Variants in EGFLAM observed in about 807,000 individuals in gnomAD.
EGFLAM encodes the protein EGF like, fibronectin type III and laminin G domains, also known as pikachurin.
A neutral mutation model predicts 113.1 loss-of-function variants in EGFLAM; 79 were observed. The ratio of observed to expected loss-of-function variants is 0.70; its 90% confidence interval spans 0.58 to 0.84. EGFLAM has a LOEUF of 0.84. Ranked by LOEUF, EGFLAM falls within the 40% of genes least tolerant of loss-of-function variation. The pLI is 0.00. For synonymous variants in EGFLAM, 504 were observed against 487.6 expected (o/e 1.03, Z -0.44); for missense variants, 1,265 against 1,291.6 (o/e 0.98, Z 0.32).
rs1743156329 is a variant in EGFLAM at position 38,458,294 on chromosome 5, C to T, written c.2688-17C>T. On this transcript the variant is annotated splice_polypyrimidine_tract_variant and intron_variant, in intron 19 of 21. Transcript: ENST00000322350. Reference sequence around the variant, plus strand: ...GTTTTATTCTGTTCTCTGTCTTCTTCTTCTCCAATGCCTTAGCTATAACCT... The same window carrying T: ...GTTTTATTCTGTTCTCTGTCTTCTTTTTCTCCAATGCCTTAGCTATAACCT... The T allele has an allele frequency of 6.2e-7, 1 of 1,611,622 alleles. No individual in the cohort carries two copies.
At position 38,418,376 on chromosome 5, in the gene EGFLAM, C is replaced by T; in HGVS notation, c.1684+121C>T. ...AGGTGCTACCCTGGGAAGCTGGTAC[C>T]TTCAGAACATCAGGAGGGAGGTGGG... is the stretch of plus-strand genomic sequence containing the variant. On this transcript the variant is annotated intron_variant, in intron 12 of 21. Transcript: ENST00000322350. 1.2e-5 allele frequency: 15 copies of T among 1,268,364 alleles called. 1 individual carries two copies. The highest frequency in any genetic ancestry group is 1.6e-5 in the Non-Finnish European group (15 of 931,792). 78.6% of individuals were successfully genotyped at this position (1,268,364 alleles called of 1,614,324 possible). A position where few individuals can be genotyped will look rare whatever the true frequency, so the allele number is the denominator to read the frequency against.
At chr5:38,373,032 A>G (rs1031593386) in intron 6 of EGFLAM, among the ~76,000 whole-genome samples, 1 of 152,178 alleles carries the variant, frequency 6.6e-6, no homozygotes, top group African/African-American at 2.4e-5. Flanking sequence ...AAATTAACAA[A>G]TTACTTCAAA....
chr5:38,350,773 A>G (rs1457262096), intron 4 of EGFLAM, among the ~76,000 whole-genome samples, 155 bp downstream of exon 4: 1 of 152,222 alleles, frequency 6.6e-6, no homozygotes, highest in African/African-American at 2.4e-5. Context: ...CCGCCCTCTC[A>G]GAACTTAGTG....
At chr5:38,294,018 C>G (rs1758397487) in intron 1 of EGFLAM, among the ~76,000 whole-genome samples, 1 of 152,186 alleles carries the variant, frequency 6.6e-6, no homozygotes. Context: ...TTATGGAAAA[C>G]CACACCAAAA....
At position 38,443,680 on chromosome 5, in the gene EGFLAM, G is replaced by A. The variant is rs547138193; in HGVS notation, c.2465-4621G>A. ...GATGCTGCTGAGAGGAGCCCTGGTT[G>A]TTGGGGAAGTTAGCCTTCCATGCCC... On this transcript the variant is annotated intron_variant, in intron 17 of 21. Coordinates refer to ENST00000322350, the MANE Select transcript of EGFLAM (RefSeq NM_152403.4). 2.2e-3 allele frequency among the ~76,000 whole-genome samples: 333 copies of A among 152,202 alleles called. 1 individual carries two copies. The highest frequency in any genetic ancestry group is 7.5e-3 in the African/African-American group (313 of 41,534).
At chr5:38,392,421 G>A (rs112125273) in intron 6 of EGFLAM, among the ~76,000 whole-genome samples, 18,086 of 152,136 alleles carry the variant, frequency 0.12, 1,475 homozygotes, top group Non-Finnish European at 0.17. Context: ...ATGAACATCC[G>A]CATGTATGTG....
At position 38,460,824 on chromosome 5, in the gene EGFLAM, T is replaced by G. The variant is rs570674201; in HGVS notation, c.2772-2084T>G. 5 of 152,332 alleles carry G rather than the reference T, an allele frequency of 3.3e-5. No individual in the cohort carries two copies. The South Asian group carries it at 1.0e-3, about 32-fold the overall frequency. 9.4% of individuals were successfully genotyped at this position (152,332 alleles called of 1,614,324 possible). A position where few individuals can be genotyped will look rare whatever the true frequency, so the allele number is the denominator to read the frequency against. Reference sequence around the variant, plus strand: ...CTGTAGCAGGCTCCAGGGTTAGAGATAGGAGTGTCAATGAAAAGGAGATTG... The same window carrying G: ...CTGTAGCAGGCTCCAGGGTTAGAGAGAGGAGTGTCAATGAAAAGGAGATTG... On this transcript the variant is annotated intron_variant, in intron 20 of 21. Transcript: ENST00000322350.
chr5:38,459,883 G>A (rs907492586), intron 20 of EGFLAM, among the ~76,000 whole-genome samples: 8 of 152,202 alleles, frequency 5.3e-5, no homozygotes, highest in African/African-American at 1.9e-4. Flanking sequence ...GGTCTAGAAA[G>A]CCCTTGAGAC....
intron 5 of EGFLAM, among the ~76,000 whole-genome samples, chr5:38,362,280 T>C (rs1000854484): frequency 2.0e-5 from 3 of 152,246 alleles, no homozygotes; most frequent in African/African-American, 7.2e-5. Flanking sequence ...TTTTATTTCA[T>C]GTGGAATGCA....
At chr5:38,333,923 T>G (rs557292906) in intron 1 of EGFLAM, among the ~76,000 whole-genome samples, 25 of 139,642 alleles carry the variant, frequency 1.8e-4, no homozygotes, top group Admixed American at 4.3e-4. Flanking sequence ...AGGGTTTTTT[T>G]TTTTTTTTTT....
intron 5 of EGFLAM, among the ~76,000 whole-genome samples, chr5:38,360,679 C>T: frequency 6.6e-6 from 1 of 152,120 alleles, no homozygotes; most frequent in East Asian, 1.9e-4. Flanking sequence ...CATGAGTTGA[C>T]ACACATAAAA....
intron 5 of EGFLAM, among the ~76,000 whole-genome samples, chr5:38,357,483 G>A (rs1739793737): frequency 6.6e-6 from 1 of 152,084 alleles, no homozygotes; most frequent in African/African-American, 2.4e-5. Flanking sequence ...TGGGGGAGGG[G>A]GTTGTCTGCA....
At chr5:38,325,566 C>G (rs1279152833) in intron 1 of EGFLAM, among the ~76,000 whole-genome samples, 1 of 152,232 alleles carries the variant, frequency 6.6e-6, no homozygotes, top group East Asian at 1.9e-4. Context: ...TTGAGCATTG[C>G]TTTAAGATTT....
rs3110228 is a variant in EGFLAM, at chr5:38,401,701, A to C, written c.713-4425A>C. 27,490 of 152,144 alleles carry C rather than the reference A, an allele frequency of 0.18. 2,706 individuals are homozygous for C. The highest frequency in any genetic ancestry group is 0.24 in the African/African-American group (9,918 of 41,466). The allele number at this position is 152,144 out of a possible 1,614,324, so 9.4% of individuals were successfully genotyped here. On this transcript the variant is annotated intron_variant, in intron 6 of 21. Transcript: ENST00000322350. The stretch of plus-strand genomic sequence containing the variant: ...GTTGAGTACATGAAGTGTTAGTGAC[A>C]TGGAGGAAGGGAAAGGATATGAAGA...
intron 1 of EGFLAM, among the ~76,000 whole-genome samples, chr5:38,265,216 C>A (rs1757604100): frequency 6.6e-6 from 1 of 152,142 alleles, no homozygotes; most frequent in African/African-American, 2.4e-5. Flanking sequence ...GAATAGTAGT[C>A]CATCTGTTTA....
chr5:38,406,301 A>T (rs78024709), intron 7 of EGFLAM, 60 bp downstream of exon 7: 72,018 of 1,415,068 alleles, frequency 0.051, 2,137 homozygotes, highest in Non-Finnish European at 0.057. Flanking sequence ...CGAACAAGAC[A>T]ATTTAGCCAA....
chr5:38,402,798 A>T (rs966984097), intron 6 of EGFLAM, among the ~76,000 whole-genome samples: 6 of 152,190 alleles, frequency 3.9e-5, no homozygotes, highest in Admixed American at 1.3e-4. Context: ...AAGGAGGAAA[A>T]AAGGAGCTGT....
At chr5:38,363,116 T>C (rs746582752) in intron 5 of EGFLAM, among the ~76,000 whole-genome samples, 46 of 152,218 alleles carry the variant, frequency 3.0e-4, no homozygotes, top group Non-Finnish European at 5.9e-4. Context: ...ACTACATCTT[T>C]TTTTTTTCCA....
chr5:38,337,576 A>G lies in EGFLAM; in HGVS notation c.154A>G (p.Ser52Gly), dbSNP rs1579790108. 1 of 1,607,268 alleles carries G rather than the reference A, an allele frequency of 6.2e-7. No individual in the cohort carries two copies. The highest frequency in any genetic ancestry group is 8.5e-7 in the Non-Finnish European group (1 of 1,176,350). Reference sequence around the variant, plus strand: ...GGGCGCATTGAACTGTACGGCTTTCAGCATCCAGTGGAAAATGCCAAGGCA... The same window carrying G: ...GGGCGCATTGAACTGTACGGCTTTCGGCATCCAGTGGAAAATGCCAAGGCA... Reference protein sequence around the residue: ...KLGALNCTAFSIQWKMPRHPG... With the variant: ...KLGALNCTAFGIQWKMPRHPG... Residue 52 changes from serine (S) to glycine (G), a missense_variant, in exon 2 of 22, where the codon AGC becomes GGC. Physicochemically the swap from Ser to Gly is moderately conservative, Grantham distance 56 (BLOSUM62 0). Coordinates refer to ENST00000322350, the MANE Select transcript of EGFLAM (RefSeq NM_152403.4).
Sources: gnomAD v4.1 joint callset for allele counts (sites outside exome capture counted in the v4.1 genomes callset) on GRCh38, gnomAD v4.1.1 for gene constraint, MANE v1.5 for transcripts, NCBI Gene and HGNC (gene_info 2026-07-23, HGNC 2026-07-21) for gene names.